Variants in SLC9A7 observed in about 807,000 individuals in gnomAD.
The protein encoded by SLC9A7 is solute carrier family 9 member A7, also known as sodium/hydrogen exchanger 7.
SLC9A7 carries 19 observed loss-of-function variants against 52.6 expected under a neutral mutation model. The ratio of observed to expected loss-of-function variants is 0.36; its 90% CI spans 0.25 to 0.53. The LOEUF (loss-of-function observed/expected upper bound fraction) is 0.53. Among genes scored for constraint, SLC9A7 ranks in the 20% least tolerant of loss-of-function variants. SLC9A7 has a pLI of 0.91. For synonymous variants in SLC9A7, 226 were observed against 252.1 expected (o/e 0.90, Z 0.98); for missense variants, 455 against 597.9 (o/e 0.76, Z 2.49).
intron 1 of SLC9A7, among the ~76,000 whole-genome samples, chrX:46,732,155 G>T (rs1339438119): frequency 9.0e-6 from 1 of 111,537 alleles, no homozygotes; most frequent in South Asian, 3.7e-4. Flanking sequence ...GAACCCAGAA[G>T]GCAGAGGTTG....
chrX:46,707,552 G>C (rs1357032912), intron 1 of SLC9A7, among the ~76,000 whole-genome samples: 1 of 112,050 alleles, frequency 8.9e-6, no homozygotes, highest in Admixed American at 9.4e-5. Flanking sequence ...TGACTACATG[G>C]GCAAAATGTG....
intron 7 of SLC9A7, among the ~76,000 whole-genome samples, chrX:46,657,319 G>A (rs1190851074): frequency 1.9e-5 from 2 of 108,033 alleles, no homozygotes; most frequent in Non-Finnish European, 3.9e-5. Flanking sequence ...ATCAACTAAT[G>A]AGCAAAATAA....
chrX:46,686,613 T>C (rs1944299617), intron 1 of SLC9A7, among the ~76,000 whole-genome samples: 2 of 111,494 alleles, frequency 1.8e-5, no homozygotes, highest in African/African-American at 6.6e-5. Flanking sequence ...GCACTAGATT[T>C]TTTTTTGAAA....
chrX:46,738,018 C>T (rs901024751), intron 1 of SLC9A7, among the ~76,000 whole-genome samples: 17 of 92,991 alleles, frequency 1.8e-4, no homozygotes, highest in African/African-American at 7.3e-4. Context: ...CAGAGTGAGA[C>T]CCTGTCTCAA....
intron 7 of SLC9A7, among the ~76,000 whole-genome samples, chrX:46,655,325 T>C (rs932532847): frequency 2.8e-4 from 31 of 112,001 alleles, no homozygotes; most frequent in Non-Finnish European, 4.7e-4. Context: ...AGATTGAATG[T>C]ATAAAATCTC....
chrX:46,720,809 C>A (rs776607254), intron 1 of SLC9A7, among the ~76,000 whole-genome samples: 20 of 112,050 alleles, frequency 1.8e-4, no homozygotes, highest in African/African-American at 6.2e-4. Context: ...GCTGATGGAA[C>A]TGATCATCCA....
At chrX:46,754,386 C>G (rs1922477603) in intron 1 of SLC9A7, among the ~76,000 whole-genome samples, 1 of 111,692 alleles carries the variant, frequency 9.0e-6, no homozygotes, top group Non-Finnish European at 1.9e-5. Flanking sequence ...GCATTTGAAC[C>G]CAGGGTTATC....
At chrX:46,657,145 T>C (rs1943714203) in intron 7 of SLC9A7, among the ~76,000 whole-genome samples, 1 of 110,009 alleles carries the variant, frequency 9.1e-6, no homozygotes, top group Admixed American at 9.8e-5. Flanking sequence ...GAAGGGGAAA[T>C]AAAATACTTT....
chrX:46,650,998 T>C, intron 10 of SLC9A7, 112 bp downstream of exon 10: 1 of 244,482 alleles, frequency 4.1e-6, no homozygotes, highest in Non-Finnish European at 7.0e-6. Flanking sequence ...TATGATGGTT[T>C]ATATTATTAT....
chrX:46,669,229 TA>T (rs890900520), intron 5 of SLC9A7, among the ~76,000 whole-genome samples: 15 of 105,012 alleles, frequency 1.4e-4, no homozygotes, highest in South Asian at 4.2e-4. Context: ...TTTACAACAA[TA>T]AAAAAAAATT....
At chrX:46,658,693 T>C (rs1473705797) in intron 7 of SLC9A7, among the ~76,000 whole-genome samples, 13 of 111,401 alleles carry the variant, frequency 1.2e-4, no homozygotes, top group Non-Finnish European at 2.1e-4. Flanking sequence ...AATCTCTGAA[T>C]AGACCAATAA....
chrX:46,694,426 A>G (rs991344160), intron 1 of SLC9A7, among the ~76,000 whole-genome samples: 1 of 112,162 alleles, frequency 8.9e-6, no homozygotes, highest in African/African-American at 3.2e-5. Context: ...TAAAATGGGC[A>G]AAAGATTAGA....
chrX:46,654,749 C>T (rs1023608562), intron 7 of SLC9A7, among the ~76,000 whole-genome samples: 23 of 110,993 alleles, frequency 2.1e-4, no homozygotes. Context: ...GACCAGAGAT[C>T]CTTCTTGTAA....
At chrX:46,708,484 C>A (rs771317522) in intron 1 of SLC9A7, among the ~76,000 whole-genome samples, 3 of 109,574 alleles carry the variant, frequency 2.7e-5, no homozygotes, top group Non-Finnish European at 5.7e-5. Flanking sequence ...GAGACGAGAT[C>A]GCACCACTGC....
chrX:46,613,079 G>A (rs771373037), intron 16 of SLC9A7, among the ~76,000 whole-genome samples: 3 of 110,306 alleles, frequency 2.7e-5, no homozygotes, highest in South Asian at 3.9e-4. Context: ...CACAGCGGCC[G>A]ATGTGGGGGA....
chrX:46,655,016 G>A (rs1350078274), intron 7 of SLC9A7, among the ~76,000 whole-genome samples: 5 of 79,068 alleles, frequency 6.3e-5, no homozygotes, highest in African/African-American at 1.5e-4. Context: ...ACGGCATTTC[G>A]CTCTGTCACC....
intron 12 of SLC9A7, 33 bp downstream of exon 12, chrX:46,643,203 G>A (rs1274071829): frequency 1.4e-5 from 16 of 1,178,292 alleles, no homozygotes; most frequent in Non-Finnish European, 1.8e-5. Flanking sequence ...GGTGACAACT[G>A]ACATACTCAA....
At chrX:46,686,360 T>C (rs1220440867) in intron 1 of SLC9A7, among the ~76,000 whole-genome samples, 1 of 111,899 alleles carries the variant, frequency 8.9e-6, no homozygotes, top group East Asian at 2.8e-4. Context: ...AGAGTTTGGG[T>C]ACCTCCCCAG....
intron 4 of SLC9A7, among the ~76,000 whole-genome samples, 181 bp downstream of exon 4, chrX:46,672,370 A>G (rs893126223): frequency 8.9e-6 from 1 of 112,021 alleles, no homozygotes; most frequent in Non-Finnish European, 1.9e-5. Context: ...ATTTTATTTC[A>G]TGTAAATTGA....
Sources: gnomAD v4.1 joint callset for allele counts (sites outside exome capture counted in the v4.1 genomes callset) on GRCh38, gnomAD v4.1.1 for gene constraint, MANE v1.5 for transcripts, NCBI Gene and HGNC (gene_info 2026-07-23, HGNC 2026-07-21) for gene names.